Variants in SYT7 observed in about 807,000 individuals in gnomAD.
SYT7 encodes synaptotagmin 7.
Under a neutral mutation model 75.1 loss-of-function variants are expected in SYT7, and 29 were observed. That is an observed-to-expected ratio of 0.39 (90% CI 0.29 to 0.53). SYT7 has a LOEUF of 0.53. Among genes scored for constraint, SYT7 ranks in the 20% least tolerant of loss-of-function variants. The pLI is 0.77. For missense variants in SYT7, 693 were observed against 953.2 expected (o/e 0.73, Z 3.59); for synonymous variants, 376 against 401.7 (o/e 0.94, Z 0.76).
intron 1 of SYT7, among the ~76,000 whole-genome samples, chr11:61,577,725 G>A (rs891558524): frequency 2.0e-5 from 3 of 152,190 alleles, no homozygotes; most frequent in Admixed American, 6.5e-5. Flanking sequence ...TAACAGGTGG[G>A]ACAAAAGAAG....
intron 1 of SYT7, among the ~76,000 whole-genome samples, chr11:61,562,825 A>G (rs1378135016): frequency 1.3e-5 from 2 of 152,118 alleles, no homozygotes; most frequent in African/African-American, 4.8e-5. Flanking sequence ...GTCCCTTACC[A>G]GGGCTCAGCC....
Position 61,576,044 on chromosome 11 carries a change from G to A in SYT7, c.31+4746C>T, listed in dbSNP as rs1393188196. 6.6e-6 allele frequency among the ~76,000 whole-genome samples: 1 copy of A among 152,210 alleles called. No homozygotes were observed. Among genetic ancestry groups the A allele is most frequent in the East Asian group, 1.9e-4 (1 of 5,200 alleles). On this transcript the variant is annotated intron_variant, in intron 1 of 12. Transcript: ENST00000539008. This position sits in a 1 kb window ranked among gnomAD's most constrained non-coding sequence, Gnocchi z 4.1. ...GAGGCTGCAGAGACTCCCCAGAGCAGGCCGGATGCACCTGCCCGCCTTCCA... is the reference window on the plus strand; with the variant it reads ...GAGGCTGCAGAGACTCCCCAGAGCAAGCCGGATGCACCTGCCCGCCTTCCA...
At chr11:61,554,894 G>A (rs1408093918) in intron 2 of SYT7, among the ~76,000 whole-genome samples, 1 of 152,154 alleles carries the variant, frequency 6.6e-6, no homozygotes, top group Non-Finnish European at 1.5e-5. Flanking sequence ...TCCTCCCCAG[G>A]GGTCGGAGCT....
intron 8 of SYT7, among the ~76,000 whole-genome samples, chr11:61,529,605 C>T (rs956783393): frequency 2.0e-5 from 3 of 152,224 alleles, no homozygotes; most frequent in Non-Finnish European, 4.4e-5. Flanking sequence ...GACACCGTGC[C>T]AGGTGAAAAG....
At position 61,576,692 on chromosome 11, in the gene SYT7, G is replaced by A. The variant is rs557966792; in HGVS notation, c.31+4098C>T. On this transcript the variant is annotated intron_variant, in intron 1 of 12. Transcript: ENST00000539008. The surrounding 1 kb of genome is among the most constrained non-coding windows in gnomAD (Gnocchi z 4.1). ...CAGATTCAATAAGGATTCAAAGTCC[G>A]TGAGAGAATAGGGGGTGGGTGGGGA... is the stretch of plus-strand genomic sequence containing the variant. 6.3e-4 allele frequency among the ~76,000 whole-genome samples: 91 copies of A among 144,714 alleles called. No individual in the cohort carries two copies. Among genetic ancestry groups the A allele is most frequent in the Non-Finnish European group, 7.6e-4 (50 of 65,672 alleles). 94.9% of individuals were successfully genotyped at this position (144,714 alleles called of 152,430 possible).
At chr11:61,552,324 C>T (rs984887629) in intron 2 of SYT7, among the ~76,000 whole-genome samples, 1 of 152,110 alleles carries the variant, frequency 6.6e-6, no homozygotes, top group Admixed American at 6.5e-5. Context: ...CACACGCACC[C>T]ATGGGCCACG....
Position 61,524,494 on chromosome 11 carries a change from G to A in SYT7, c.1510C>T (p.Leu504Phe), listed in dbSNP as rs2062450423. Residue 504 changes from leucine to phenylalanine, a missense_variant, in exon 10 of 13, where the codon CTC becomes TTC. By Grantham distance (22) the Leu-to-Phe change is conservative. Coordinates refer to ENST00000539008, the MANE Select transcript of SYT7 (RefSeq NM_001365809.2). The surrounding 1 kb of genome is among the most constrained non-coding windows in gnomAD (Gnocchi z 4.1). ...YEKVVQRILY[L>F]QVLDYDRFSR... ...AAGCGGTCATAGTCCAGGACTTGGA[G>A]GTAGAGGATCCTCTGCACCACCTTC... 1 of 1,609,188 alleles carries A rather than the reference G, an allele frequency of 6.2e-7. No individual in the cohort carries two copies.
At chr11:61,532,269 C>T (rs1287078429) in intron 8 of SYT7, among the ~76,000 whole-genome samples, 1 of 152,212 alleles carries the variant, frequency 6.6e-6, no homozygotes. Context: ...GAGCTAATCC[C>T]CAGTTTTCTC....
chr11:61,549,185 C>G (rs1484531894), intron 3 of SYT7, among the ~76,000 whole-genome samples: 1 of 152,076 alleles, frequency 6.6e-6, no homozygotes. Context: ...GAAAAAAAAT[C>G]CACCCAGAGT....
intron 1 of SYT7, among the ~76,000 whole-genome samples, chr11:61,558,485 TACAC>T (rs777352659): frequency 6.5e-5 from 9 of 137,448 alleles, no homozygotes; most frequent in South Asian, 2.2e-4. Flanking sequence ...AATATATATA[TACAC>T]ACACACACAC....
Position 61,546,406 on chromosome 11 carries a change from G to A in SYT7, c.348-151C>T, listed in dbSNP as rs930844055. On this transcript the variant is annotated intron_variant, in intron 4 of 12. Transcript: ENST00000539008. The surrounding 1 kb of genome is among the most constrained non-coding windows in gnomAD (Gnocchi z 7.6). Reference sequence around the variant, plus strand: ...GAAAGAGACAGTGAGAGAGGAGGAGGAGAGAGACAGACGGACATGAGACAG... The same window carrying A: ...GAAAGAGACAGTGAGAGAGGAGGAGAAGAGAGACAGACGGACATGAGACAG... The A allele has an allele frequency of 1.0e-4, 58 of 582,796 alleles. 2 individuals carry two copies. The South Asian group carries it at 1.1e-3, about 11-fold the overall frequency. The allele number at this position is 582,796 out of a possible 1,614,324, so 36.1% of individuals were successfully genotyped here.
intron 8 of SYT7, among the ~76,000 whole-genome samples, chr11:61,531,714 T>G (rs79203294): frequency 1.3e-5 from 2 of 151,566 alleles, no homozygotes; most frequent in Non-Finnish European, 2.9e-5. Flanking sequence ...GCCAACATGG[T>G]GAAACCCCGT....
At chr11:61,537,235 G>A (rs1294947265) in intron 7 of SYT7, among the ~76,000 whole-genome samples, 2 of 152,030 alleles carry the variant, frequency 1.3e-5, no homozygotes, top group African/African-American at 4.8e-5. Context: ...AACCACAGGT[G>A]TGGTCAACCC....
At chr11:61,541,408 G>A in intron 6 of SYT7, 3 of 684,210 alleles carry the variant, frequency 4.4e-6, no homozygotes, top group Non-Finnish European at 5.4e-6. Flanking sequence ...AGATGCTGGG[G>A]AGGGGGCTTC....
chr11:61,522,956 C>T, intron 12 of SYT7, 119 bp downstream of exon 12: 1 of 1,004,554 alleles, frequency 1.0e-6, no homozygotes, highest in South Asian at 1.4e-5. Context: ...GGAGAGGAGA[C>T]TGATCCCAAT....
In SYT7 at chr11:61,518,522, C is replaced by T; in HGVS notation, c.*105G>A. 3 of 774,132 alleles carry T rather than the reference C, an allele frequency of 3.9e-6. No individual in the cohort carries two copies. The highest frequency in any genetic ancestry group is 5.9e-6 in the Non-Finnish European group (3 of 512,256). The allele number at this position is 774,132 out of a possible 1,614,324, so 48.0% of individuals were successfully genotyped here. A position where few individuals can be genotyped will look rare whatever the true frequency, so the allele number is the denominator to read the frequency against. ...CCTCCCTGGCTGAGCCCTCAGGGTC[C>T]TCCCCTCCCTATGGCAGGGGGCTCA... On this transcript the variant is annotated 3_prime_UTR_variant, in exon 13 of 13. Transcript: ENST00000539008.
intron 7 of SYT7, among the ~76,000 whole-genome samples, chr11:61,536,911 A>G (rs2062885516): frequency 6.6e-6 from 1 of 152,176 alleles, no homozygotes; most frequent in Non-Finnish European, 1.5e-5. Flanking sequence ...TGCCCAGTTC[A>G]CAGGACACAT....
At chr11:61,572,844 C>A (rs1030476898) in intron 1 of SYT7, among the ~76,000 whole-genome samples, 5 of 152,072 alleles carry the variant, frequency 3.3e-5, no homozygotes, top group Admixed American at 1.3e-4. Context: ...AAATTTCCAA[C>A]TAAGGTGGGT....
intron 5 of SYT7, among the ~76,000 whole-genome samples, chr11:61,545,594 G>GA (rs751693364): frequency 2.6e-5 from 4 of 152,250 alleles, no homozygotes; most frequent in Non-Finnish European, 4.4e-5. Flanking sequence ...CTGTAAGAGG[G>GA]AAAGCCTGGG....
Sources: allele counts gnomAD v4.1 joint callset (sites outside exome capture counted in the v4.1 genomes callset), GRCh38; gene constraint gnomAD v4.1.1; non-coding constraint Gnocchi (gnomAD v3.1); transcripts MANE v1.5; gene names NCBI Gene and HGNC (gene_info 2026-07-23, HGNC 2026-07-21).